Variants in SUPT3H observed in about 807,000 individuals in gnomAD.
SUPT3H encodes transcription initiation protein SPT3 homolog.
In SUPT3H, 44 loss-of-function variants were observed where a neutral mutation model predicts 44.3. That is an observed-to-expected ratio of 0.99 (90% CI 0.78 to 1.28). The LOEUF (loss-of-function observed/expected upper bound fraction) is 1.28. Ranked by LOEUF, SUPT3H falls within the 50% of genes most tolerant of loss-of-function variation. SUPT3H has a pLI of 0.00. For missense variants in SUPT3H, 380 were observed against 387.1 expected, an observed-to-expected ratio of 0.98 and a Z score of 0.15; for synonymous variants, 124 against 125.6, an observed-to-expected ratio of 0.99 and a Z score of 0.09.
At chr6:45,007,737 C>CTT (rs940243414) in intron 5 of SUPT3H, among the ~76,000 whole-genome samples, 90 of 142,576 alleles carry the variant, frequency 6.3e-4, no homozygotes, top group African/African-American at 2.2e-3. Flanking sequence ...TTCCCCCCCA[C>CTT]TTTTTTTTTT....
At chr6:45,153,795 C>T (rs1179821162) in intron 2 of SUPT3H, among the ~76,000 whole-genome samples, 3 of 151,972 alleles carry the variant, frequency 2.0e-5, no homozygotes, top group South Asian at 2.1e-4. Context: ...AGGCCGGGCA[C>T]GGTGGCTCAC....
At chr6:44,851,210 T>C (rs1383747846) in intron 10 of SUPT3H, among the ~76,000 whole-genome samples, 1 of 152,190 alleles carries the variant, frequency 6.6e-6, no homozygotes, top group Non-Finnish European at 1.5e-5. Flanking sequence ...TTTTTTGAAA[T>C]ATTTACATAT....
At chr6:45,047,956 T>C (rs2153534132) in intron 3 of SUPT3H, among the ~76,000 whole-genome samples, 1 of 152,140 alleles carries the variant, frequency 6.6e-6, no homozygotes, top group East Asian at 1.9e-4. Flanking sequence ...TAATATCAAA[T>C]CTTTATTCCA....
chr6:44,973,247 C>T (rs1472242733), intron 6 of SUPT3H, among the ~76,000 whole-genome samples: 1 of 152,136 alleles, frequency 6.6e-6, no homozygotes, highest in African/African-American at 2.4e-5. Flanking sequence ...GCTATATACC[C>T]TAAATCATCT....
chr6:44,815,192 A>C (rs1316836325), intron 11 of SUPT3H, among the ~76,000 whole-genome samples: 1 of 152,150 alleles, frequency 6.6e-6, no homozygotes, highest in Non-Finnish European at 1.5e-5. Context: ...GAGTCTTCTG[A>C]GTTTTTTGTT....
chr6:45,253,228 G>A (rs1223911783), intron 2 of SUPT3H, among the ~76,000 whole-genome samples: 1 of 152,226 alleles, frequency 6.6e-6, no homozygotes, highest in African/African-American at 2.4e-5. Flanking sequence ...TTATAACTCA[G>A]TAGGGAAATA....
chr6:45,311,119 T>C (rs974674063), intron 2 of SUPT3H, among the ~76,000 whole-genome samples: 2 of 152,122 alleles, frequency 1.3e-5, no homozygotes, highest in Admixed American at 6.6e-5. Context: ...GGACACACTT[T>C]TAGAAATGCA....
chr6:45,167,519 T>A (rs548322980), intron 2 of SUPT3H, among the ~76,000 whole-genome samples: 108 of 152,336 alleles, frequency 7.1e-4, no homozygotes, highest in African/African-American at 2.5e-3. Context: ...TTCTCAACCT[T>A]TTTCTGTCTT....
intron 5 of SUPT3H, among the ~76,000 whole-genome samples, chr6:45,014,155 T>C (rs181461250): frequency 9.9e-5 from 15 of 152,204 alleles, no homozygotes; most frequent in Non-Finnish European, 1.9e-4. Context: ...ATCAACTGTT[T>C]TTTTTTTAAG....
chr6:45,371,311 A>C, intron 1 of SUPT3H, among the ~76,000 whole-genome samples: 1 of 152,200 alleles, frequency 6.6e-6, no homozygotes, highest in East Asian at 1.9e-4. Flanking sequence ...CCAAAAAGAA[A>C]AAGGACTGGG....
intron 2 of SUPT3H, among the ~76,000 whole-genome samples, chr6:45,124,880 G>A (rs1022726039): frequency 3.9e-5 from 6 of 152,022 alleles, no homozygotes; most frequent in Non-Finnish European, 5.9e-5. Context: ...GGCTCTAGAC[G>A]AATAGGACTG....
chr6:45,217,219 G>A (rs1765204544), intron 2 of SUPT3H, among the ~76,000 whole-genome samples: 1 of 152,146 alleles, frequency 6.6e-6, no homozygotes, highest in Non-Finnish European at 1.5e-5. Flanking sequence ...GCTCATGCCT[G>A]TAATCCCAGC....
Position 44,812,287 on chromosome 6 carries a change from T to C in SUPT3H, c.*53-2786A>G, listed in dbSNP as rs1473886235. On this transcript the variant is annotated intron_variant and NMD_transcript_variant, in intron 11 of 11. Coordinates refer to the SUPT3H transcript ENST00000475057. ...CATTCAGATTGTTGGGAGAACTCAG[T>C]TTCTGTTTCTTCAGTACCAAGGTCT... Among the ~76,000 whole-genome samples the C allele has an allele frequency of 3.3e-5, 5 of 152,326 alleles. No individual in the cohort carries two copies. The South Asian group carries it at 1.0e-3, about 32-fold the overall frequency.
Position 45,279,950 on chromosome 6 carries a change from T to C in SUPT3H, c.101+85251A>G, listed in dbSNP as rs531687126. ...TGCTCTACTTGCACTCCATGATAGC[T>C]GATGACCATTCCTATCTATTTAGTT... is the stretch of plus-strand genomic sequence containing the variant. On this transcript the variant is annotated intron_variant, in intron 2 of 10. Transcript: ENST00000371459. 1.9e-4 allele frequency among the ~76,000 whole-genome samples: 29 copies of C among 152,336 alleles called. 1 individual carries two copies. The South Asian group carries it at 3.5e-3, about 18-fold the overall frequency.
rs73735394 is a variant in SUPT3H, at chr6:45,367,673, A to T, written c.1-2372T>A. Among the ~76,000 whole-genome samples, 1,096 of 152,274 alleles carry T rather than the reference A, an allele frequency of 7.2e-3. 19 individuals carry two copies. The highest frequency in any genetic ancestry group is 0.025 in the African/African-American group (1,044 of 41,560). On this transcript the variant is annotated intron_variant, in intron 1 of 10. Coordinates refer to ENST00000371459, the MANE Select transcript of SUPT3H (RefSeq NM_003599.4). The stretch of plus-strand genomic sequence containing the variant: ...TAAGTAGTAACCCCAGCCTCCAGAA[A>T]GTTATGATTTGAGTTGACTTGTCTG...
At chr6:45,255,840 C>T (rs2153655127) in intron 2 of SUPT3H, among the ~76,000 whole-genome samples, 1 of 152,242 alleles carries the variant, frequency 6.6e-6, no homozygotes, top group Middle Eastern at 3.4e-3. Flanking sequence ...GCAACTATCA[C>T]CACAGTCAAT....
At chr6:45,281,105 T>C (rs1424555586) in intron 2 of SUPT3H, among the ~76,000 whole-genome samples, 1 of 152,166 alleles carries the variant, frequency 6.6e-6, no homozygotes, top group African/African-American at 2.4e-5. Context: ...TAAAAATTTA[T>C]GAGGGGTGGA....
At chr6:44,904,842 A>C (rs148875143) in intron 10 of SUPT3H, among the ~76,000 whole-genome samples, 2,739 of 152,302 alleles carry the variant, frequency 0.018, 39 homozygotes, top group Non-Finnish European at 0.026. Flanking sequence ...ATAGAACAGA[A>C]CAGAGCCCTC....
chr6:45,048,781 G>A (rs112728094), intron 3 of SUPT3H, among the ~76,000 whole-genome samples: 3,746 of 152,208 alleles, frequency 0.025, 155 homozygotes, highest in African/African-American at 0.084. Flanking sequence ...AGTGAAATAA[G>A]CCAGGCATGG....
Sources: allele counts gnomAD v4.1 joint callset (sites outside exome capture counted in the v4.1 genomes callset), GRCh38; gene constraint gnomAD v4.1.1; transcripts MANE v1.5; gene names NCBI Gene and HGNC (gene_info 2026-07-23, HGNC 2026-07-21).